The following L3MBTL4 variants were observed in gnomAD, a reference collection of about 807,000 sequenced individuals.
L3MBTL4 encodes the protein L3MBTL histone methyl-lysine binding protein 4, also known as lethal(3)malignant brain tumor-like protein 4.
L3MBTL4 carries 70 observed loss-of-function variants against 84.5 expected under a neutral mutation model. The ratio of observed to expected loss-of-function variants is 0.83; its 90% confidence interval spans 0.68 to 1.01. L3MBTL4 has a LOEUF of 1.01. L3MBTL4 is among the 50% of genes least tolerant of loss of function. The pLI, the probability that L3MBTL4 is intolerant of heterozygous loss-of-function variation, is 0.00. For synonymous variants in L3MBTL4, 274 were observed against 259.8 expected, an observed-to-expected ratio of 1.05 and a Z score of -0.52; for missense variants, 715 against 754.8, an observed-to-expected ratio of 0.95 and a Z score of 0.62.
intron 4 of L3MBTL4, among the ~76,000 whole-genome samples, chr18:6,279,364 G>C (rs2049227624): frequency 6.6e-6 from 1 of 151,828 alleles, no homozygotes; most frequent in South Asian, 2.1e-4. Flanking sequence ...AGAGGAAATA[G>C]TCAACACCTC....
rs80186163 is a variant in L3MBTL4 at position 6,237,893 on chromosome 18, A to G, written c.784+71T>C. ...ATATGTATTAAAATCTGGTCTTCAT[A>G]AACAAAATAAAAATGAGGACTGCCA... is the stretch of plus-strand genomic sequence containing the variant. On this transcript the variant is annotated intron_variant, in intron 10 of 18. Coordinates refer to ENST00000317931, the MANE Select transcript of L3MBTL4 (RefSeq NM_001330559.2). The G allele has an allele frequency of 2.0e-3, 2,338 of 1,177,118 alleles. 38 individuals carry two copies. In the African/African-American group the frequency reaches 0.03, roughly 15 times the overall value. The allele number at this position is 1,177,118 out of a possible 1,614,324, so 72.9% of individuals were successfully genotyped here. A position where few individuals can be genotyped will look rare whatever the true frequency, so the allele number is the denominator to read the frequency against.
intron 1 of L3MBTL4, among the ~76,000 whole-genome samples, chr18:6,398,462 G>A (rs2055367839): frequency 6.6e-6 from 1 of 152,088 alleles, no homozygotes; most frequent in Non-Finnish European, 1.5e-5. Flanking sequence ...CAAGGACAAG[G>A]GCTGCCTGGG....
intron 1 of L3MBTL4, among the ~76,000 whole-genome samples, chr18:6,370,008 C>T (rs1328483354): frequency 6.6e-6 from 1 of 151,938 alleles, no homozygotes; most frequent in South Asian, 2.1e-4. Flanking sequence ...GTGGCACGTG[C>T]CTGTAGTCTC....
In L3MBTL4 at chr18:6,235,279, C is replaced by T. The variant is rs8088947; in HGVS notation, c.784+2685G>A. ...CACATGTATACATACGTAACAAACCCGCACATTGTGCACATGTACCCTAGA... is the reference window on the plus strand; with the variant it reads ...CACATGTATACATACGTAACAAACCTGCACATTGTGCACATGTACCCTAGA... On this transcript the variant is annotated intron_variant, in intron 10 of 18. Coordinates refer to ENST00000317931, the MANE Select transcript of L3MBTL4 (RefSeq NM_001330559.2). 9.3e-3 allele frequency among the ~76,000 whole-genome samples: 1,414 copies of T among 152,024 alleles called. 23 individuals are homozygous for T. The highest frequency in any genetic ancestry group is 0.032 in the African/African-American group (1,342 of 41,470).
chr18:6,015,853 A>G (rs979999452), intron 16 of L3MBTL4, among the ~76,000 whole-genome samples: 2 of 152,160 alleles, frequency 1.3e-5, no homozygotes, highest in East Asian at 3.9e-4. Context: ...CCAGCTACTC[A>G]GGAGGCTGAG....
chr18:6,015,044 G>A lies in L3MBTL4; in HGVS notation c.1445-45482C>T, dbSNP rs536110153. 4.6e-5 allele frequency among the ~76,000 whole-genome samples: 7 copies of A among 152,106 alleles called. No individual in the cohort carries two copies. In the South Asian group the frequency reaches 1.5e-3, roughly 32 times the overall value. On this transcript the variant is annotated intron_variant, in intron 16 of 18. Transcript: ENST00000317931. The stretch of plus-strand genomic sequence containing the variant: ...GGAGGAAGGGGAGGTTTGCGGGGAG[G>A]AAAGATGATGAGGGAAGTGCTTGGG...
intron 13 of L3MBTL4, among the ~76,000 whole-genome samples, chr18:6,144,141 A>G (rs2042544706): frequency 7.0e-6 from 1 of 143,556 alleles, no homozygotes; most frequent in African/African-American, 2.6e-5. Context: ...GCTTGCAGTG[A>G]GCTGAGATCA....
Position 6,020,495 on chromosome 18 carries a change from GA to G in L3MBTL4, c.1445-50934del, listed in dbSNP as rs1432169607. On this transcript the variant is annotated intron_variant, in intron 16 of 18. Coordinates refer to ENST00000317931, the MANE Select transcript of L3MBTL4 (RefSeq NM_001330559.2). ...AAGGGATTTCAGCATTCAGTGCCAT[GA>G]TTAGATTTGAAAGATCACTTTAACT... 5.9e-5 allele frequency among the ~76,000 whole-genome samples: 9 copies of G among 152,288 alleles called. 1 individual carries two copies. The Middle Eastern group carries it at 0.01, about 173-fold the overall frequency.
intron 1 of L3MBTL4, among the ~76,000 whole-genome samples, chr18:6,385,358 C>T (rs1352209278): frequency 6.6e-6 from 1 of 152,166 alleles, no homozygotes; most frequent in African/African-American, 2.4e-5. Flanking sequence ...GCTGTGACTG[C>T]ACCACTGCAA....
At chr18:6,030,256 ACCC>A in intron 16 of L3MBTL4, 1 of 964,214 alleles carries the variant, frequency 1.0e-6, no homozygotes, top group Non-Finnish European at 1.2e-6. Context: ...AGGGAGAGAT[ACCC>A]CCTTATACCT....
At chr18:6,393,021 A>G (rs570011885) in intron 1 of L3MBTL4, among the ~76,000 whole-genome samples, 44 of 152,284 alleles carry the variant, frequency 2.9e-4, no homozygotes, top group African/African-American at 9.4e-4. Context: ...AGAATTCACC[A>G]CTATACAATT....
At chr18:6,373,366 C>T (rs2054237614) in intron 1 of L3MBTL4, among the ~76,000 whole-genome samples, 2 of 152,180 alleles carry the variant, frequency 1.3e-5, no homozygotes, top group African/African-American at 4.8e-5. Flanking sequence ...ACAGGTTTAA[C>T]AGGAGTAAAG....
At chr18:6,082,656 C>T (rs2058118204) in intron 15 of L3MBTL4, among the ~76,000 whole-genome samples, 1 of 152,076 alleles carries the variant, frequency 6.6e-6, no homozygotes, top group Non-Finnish European at 1.5e-5. Context: ...TTGCTTCTGT[C>T]TTACAAAGTT....
intron 16 of L3MBTL4, chr18:6,025,136 G>C (rs762240309): frequency 1.8e-4 from 28 of 152,072 alleles, no homozygotes; most frequent in Admixed American, 2.0e-4. Flanking sequence ...CAAGCATCCT[G>C]GTTCTGGTAA....
At chr18:6,410,793 C>T (rs2055934978) in intron 1 of L3MBTL4, among the ~76,000 whole-genome samples, 1 of 152,180 alleles carries the variant, frequency 6.6e-6, no homozygotes, top group Non-Finnish European at 1.5e-5. Context: ...CATTTCACAT[C>T]CATCTTCAGG....
At chr18:6,148,256 T>C (rs1320968311) in intron 13 of L3MBTL4, among the ~76,000 whole-genome samples, 1 of 152,192 alleles carries the variant, frequency 6.6e-6, no homozygotes, top group East Asian at 1.9e-4. Flanking sequence ...ACCACTTAAA[T>C]ACAACAAAAC....
At chr18:6,023,725 G>A (rs1247430738) in intron 16 of L3MBTL4, among the ~76,000 whole-genome samples, 2 of 152,200 alleles carry the variant, frequency 1.3e-5, no homozygotes, top group African/African-American at 2.4e-5. Context: ...CTGTGTGCCT[G>A]TGTGGGGCTG....
intron 13 of L3MBTL4, among the ~76,000 whole-genome samples, chr18:6,147,649 G>A (rs1382671836): frequency 6.6e-6 from 1 of 152,098 alleles, no homozygotes; most frequent in East Asian, 1.9e-4. Context: ...GTAAATTCCT[G>A]AAAGAGATGA....
At chr18:6,277,211 G>A (rs951162120) in intron 4 of L3MBTL4, among the ~76,000 whole-genome samples, 9 of 151,692 alleles carry the variant, frequency 5.9e-5, no homozygotes, top group East Asian at 3.9e-4. Flanking sequence ...TGGGTGCAGC[G>A]CACCAGCATG....
Sources: allele counts gnomAD v4.1 joint callset (sites outside exome capture counted in the v4.1 genomes callset), GRCh38; gene constraint gnomAD v4.1.1; transcripts MANE v1.5; gene names NCBI Gene and HGNC (gene_info 2026-07-23, HGNC 2026-07-21).